GLCCI1: variants seen among roughly 807,000 people sequenced by gnomAD.
The protein encoded by GLCCI1 is glucocorticoid induced 1, also known as glucocorticoid-induced transcript 1 protein.
GLCCI1 carries 24 observed loss-of-function variants against 52.2 expected under a neutral mutation model. The observed-to-expected ratio is 0.46, with a 90% CI of 0.33 to 0.65. The LOEUF (loss-of-function observed/expected upper bound fraction) is 0.65. Ranked by LOEUF, GLCCI1 falls within the 30% of genes least tolerant of loss-of-function variation. GLCCI1 has a pLI of 0.02. For missense variants in GLCCI1, 704 were observed against 701.5 expected, an observed-to-expected ratio of 1.00 and a Z score of -0.04; for synonymous variants, 310 against 276.5, an observed-to-expected ratio of 1.12 and a Z score of -1.20.
rs1780268753 is a variant in GLCCI1 at position 7,968,816 on chromosome 7, A to C, written c.-535A>C. The C allele has an allele frequency of 6.3e-6, 1 of 158,098 alleles. No individual in the cohort carries two copies. Among genetic ancestry groups the C allele is most frequent in the Non-Finnish European group, 1.4e-5 (1 of 72,138 alleles). 9.8% of individuals were successfully genotyped at this position (158,098 alleles called of 1,614,324 possible). A position where few individuals can be genotyped will look rare whatever the true frequency, so the allele number is the denominator to read the frequency against. ...GAATTAGTTGCCATTCGGAGTGAGG[A>C]GTGGGTAGAAGCGGCGGCGGCGGCG... On this transcript the variant is annotated 5_prime_UTR_variant, in exon 1 of 8. Transcript: ENST00000223145.
intron 5 of GLCCI1, among the ~76,000 whole-genome samples, chr7:8,068,746 T>C (rs1284894619): frequency 6.6e-6 from 1 of 152,218 alleles, no homozygotes; most frequent in Non-Finnish European, 1.5e-5. Flanking sequence ...GCACTGGTTC[T>C]TTCTCACCTG....
At chr7:8,021,879 A>C (rs1004804843) in intron 2 of GLCCI1, among the ~76,000 whole-genome samples, 3 of 152,212 alleles carry the variant, frequency 2.0e-5, no homozygotes, top group African/African-American at 2.4e-5. Context: ...GGTTTTTTAG[A>C]AGATGTATTA....
chr7:7,969,600 C>T lies in GLCCI1; in HGVS notation c.250C>T (p.Pro84Ser). ...RGSQHSPTRPPVAAAAASLGS... is the reference protein window; with the variant it reads ...RGSQHSPTRPSVAAAAASLGS... ...CAGCCAGCACAGTCCCACGCGTCCG[C>T]CCGTCGCCGCTGCCGCCGCCTCGCT... Residue 84 changes from proline to serine, a missense_variant, in exon 1 of 8, where the codon CCC becomes TCC. Physicochemically the swap from Pro to Ser is moderately conservative, Grantham distance 74. Transcript: ENST00000223145. The surrounding 1 kb of genome is among the most constrained non-coding windows in gnomAD (Gnocchi z 4.9). 2 of 1,032,802 alleles carry T rather than the reference C, an allele frequency of 1.9e-6. No homozygotes were observed. The allele number at this position is 1,032,802 out of a possible 1,614,324, so 64.0% of individuals were successfully genotyped here.
intron 3 of GLCCI1, among the ~76,000 whole-genome samples, chr7:8,051,560 T>A (rs1333955113): frequency 6.6e-6 from 1 of 152,160 alleles, no homozygotes; most frequent in African/African-American, 2.4e-5. Flanking sequence ...CCCCAGAAAA[T>A]CTTATGTGGT....
At chr7:8,061,161 G>A (rs1009726385) in intron 5 of GLCCI1, among the ~76,000 whole-genome samples, 9 of 150,208 alleles carry the variant, frequency 6.0e-5, no homozygotes, top group East Asian at 2.0e-4. Context: ...GTGCAGTGGC[G>A]TGATCTCGGC....
intron 2 of GLCCI1, among the ~76,000 whole-genome samples, chr7:8,014,060 G>A (rs1407517283): frequency 1.3e-5 from 2 of 151,066 alleles, no homozygotes; most frequent in African/African-American, 4.9e-5. Context: ...CACTGTCTTG[G>A]CTCACTGCAG....
intron 3 of GLCCI1, among the ~76,000 whole-genome samples, chr7:8,043,606 A>G (rs1583995679): frequency 6.6e-6 from 1 of 152,156 alleles, no homozygotes; most frequent in Non-Finnish European, 1.5e-5. Flanking sequence ...AATGAAGGGA[A>G]ATTTGGGGGG....
intron 3 of GLCCI1, among the ~76,000 whole-genome samples, chr7:8,054,139 A>T (rs528976812): frequency 1.6e-4 from 24 of 152,270 alleles, no homozygotes; most frequent in African/African-American, 5.3e-4. Flanking sequence ...TTTTGCTTTT[A>T]TACCTCTGTC....
At chr7:8,019,461 G>C (rs1314232202) in intron 2 of GLCCI1, among the ~76,000 whole-genome samples, 2 of 152,144 alleles carry the variant, frequency 1.3e-5, no homozygotes, top group East Asian at 3.8e-4. Flanking sequence ...TTTTTGGAAA[G>C]TTAATACTAT....
At chr7:8,027,003 C>T (rs566202278) in intron 3 of GLCCI1, among the ~76,000 whole-genome samples, 4 of 152,280 alleles carry the variant, frequency 2.6e-5, no homozygotes, top group Non-Finnish European at 5.9e-5. Flanking sequence ...CCTGGAAAGC[C>T]TTCCCAAGAA....
At chr7:8,078,131 G>A (rs1345510134) in intron 6 of GLCCI1, among the ~76,000 whole-genome samples, 1 of 150,330 alleles carries the variant, frequency 6.7e-6, no homozygotes, top group Non-Finnish European at 1.5e-5. Context: ...CTACTCGGGA[G>A]GCTGAGGCAG....
intron 2 of GLCCI1, among the ~76,000 whole-genome samples, chr7:8,009,291 C>A (rs928984360): frequency 1.3e-5 from 2 of 152,116 alleles, no homozygotes; most frequent in Non-Finnish European, 1.5e-5. Context: ...AGTAATGTTT[C>A]CTCAGTCTTC....
intron 2 of GLCCI1, among the ~76,000 whole-genome samples, chr7:8,021,220 T>G (rs1223466181): frequency 6.6e-6 from 1 of 152,216 alleles, no homozygotes; most frequent in African/African-American, 2.4e-5. Context: ...TCATAAGAAC[T>G]TACATATTAT....
At chr7:7,993,788 G>GAA (rs5882149) in intron 1 of GLCCI1, among the ~76,000 whole-genome samples, 374 of 147,740 alleles carry the variant, frequency 2.5e-3, no homozygotes, top group African/African-American at 8.4e-3. Context: ...GTTACATCCT[G>GAA]AAAAAAAAAA....
chr7:8,065,224 A>G (rs1268969644), intron 5 of GLCCI1, among the ~76,000 whole-genome samples: 2 of 152,202 alleles, frequency 1.3e-5, no homozygotes, highest in Admixed American at 1.3e-4. Flanking sequence ...TTGTTAGTAT[A>G]TAGAAACACT....
chr7:8,008,632 G>A (rs1227211752), intron 2 of GLCCI1, among the ~76,000 whole-genome samples: 3 of 152,084 alleles, frequency 2.0e-5, no homozygotes, highest in African/African-American at 7.2e-5. Context: ...GGTTATGTTG[G>A]CGAATTCATT....
At chr7:8,045,830 C>T (rs559819547) in intron 3 of GLCCI1, among the ~76,000 whole-genome samples, 10 of 152,046 alleles carry the variant, frequency 6.6e-5, no homozygotes, top group South Asian at 4.2e-4. Flanking sequence ...GGCAGGAGTT[C>T]GCAGAGGATA....
intron 5 of GLCCI1, among the ~76,000 whole-genome samples, chr7:8,067,260 C>T (rs1039099970): frequency 2.6e-5 from 4 of 152,016 alleles, no homozygotes; most frequent in Admixed American, 1.3e-4. Flanking sequence ...TTATTTTGAC[C>T]GCATGGGTGT....
chr7:8,018,430 A>C (rs1781419857), intron 2 of GLCCI1, among the ~76,000 whole-genome samples: 1 of 152,186 alleles, frequency 6.6e-6, no homozygotes, highest in African/African-American at 2.4e-5. Context: ...TAACAAAAGC[A>C]CCCAGTATTT....
Sources: allele counts gnomAD v4.1 joint callset (sites outside exome capture counted in the v4.1 genomes callset), GRCh38; gene constraint gnomAD v4.1.1; non-coding constraint Gnocchi (gnomAD v3.1); transcripts MANE v1.5; gene names NCBI Gene and HGNC (gene_info 2026-07-23, HGNC 2026-07-21).